Variants in SPATA17 observed in about 807,000 individuals in gnomAD.
The protein encoded by SPATA17 is spermatogenesis associated 17, also known as spermatogenesis-associated protein 17.
A neutral mutation model predicts 62.2 loss-of-function variants in SPATA17; 53 were observed. The ratio of observed to expected loss-of-function variants is 0.85; its 90% CI spans 0.68 to 1.07. SPATA17 has a LOEUF of 1.07. Among genes scored for constraint, SPATA17 ranks in the 50% least tolerant of loss-of-function variants. The pLI, the probability that SPATA17 is intolerant of heterozygous loss-of-function variation, is 0.00. For missense variants in SPATA17, 466 were observed against 425.5 expected (o/e 1.10, Z -0.84); for synonymous variants, 146 against 146.8 (o/e 0.99, Z 0.04).
chr1:217,648,947 G>T lies in SPATA17; in HGVS notation c.134G>T (p.Gly45Val), dbSNP rs775050336. 2 of 1,610,460 alleles carry T rather than the reference G, an allele frequency of 1.2e-6. No individual in the cohort carries two copies. Among genetic ancestry groups the T allele is most frequent in the African/African-American group, 1.3e-5 (1 of 74,950 alleles). ...GTTAAAATCCAAAGCTGGTTTCGAG[G>T]ATGTCAAGTTCGGGCATATATCAGG... ...AAVKIQSWFRGCQVRAYIRHL... is the reference protein window; with the variant it reads ...AAVKIQSWFRVCQVRAYIRHL... Residue 45 changes from glycine (G) to valine (V), a missense_variant, in exon 2 of 11, where the codon GGA becomes GTA. By Grantham distance (109) the Gly-to-Val change is moderately radical (BLOSUM62 -3). Coordinates refer to ENST00000366933, the MANE Select transcript of SPATA17 (RefSeq NM_138796.4).
intron 5 of SPATA17, among the ~76,000 whole-genome samples, chr1:217,694,763 G>T (rs1254023298): frequency 1.9e-3 from 275 of 148,412 alleles, no homozygotes; most frequent in African/African-American, 6.6e-3. Flanking sequence ...GCTTAGTTTG[G>T]CTGGATATGA....
At chr1:217,713,295 G>A (rs192078372) in intron 5 of SPATA17, among the ~76,000 whole-genome samples, 9 of 151,498 alleles carry the variant, frequency 5.9e-5, no homozygotes, top group African/African-American at 2.2e-4. Context: ...TCCCTTTTAT[G>A]TTGGAGTCTT....
intron 3 of SPATA17, among the ~76,000 whole-genome samples, chr1:217,658,090 T>C (rs1400305822): frequency 6.6e-6 from 1 of 152,180 alleles, no homozygotes; most frequent in African/African-American, 2.4e-5. Context: ...CACATGGGGA[T>C]TATTACAATT....
chr1:217,773,622 C>G (rs1673509607), intron 6 of SPATA17, among the ~76,000 whole-genome samples: 1 of 152,108 alleles, frequency 6.6e-6, no homozygotes, highest in Non-Finnish European at 1.5e-5. Flanking sequence ...GTGGAAGGTA[C>G]TCTTGACTAT....
At chr1:217,631,861 T>C (rs1669789223) in intron 1 of SPATA17, among the ~76,000 whole-genome samples, 2 of 152,152 alleles carry the variant, frequency 1.3e-5, no homozygotes, top group African/African-American at 4.8e-5. Context: ...CTAAACTCAA[T>C]TGTTCTATGA....
intron 5 of SPATA17, among the ~76,000 whole-genome samples, chr1:217,711,765 A>G (rs867849961): frequency 6.6e-6 from 1 of 152,214 alleles, no homozygotes; most frequent in Non-Finnish European, 1.5e-5. Context: ...ACTTGTAGAA[A>G]GAGGGGAGGA....
intron 9 of SPATA17, among the ~76,000 whole-genome samples, chr1:217,843,685 A>G (rs1260300054): frequency 6.6e-6 from 1 of 151,830 alleles, no homozygotes; most frequent in Admixed American, 6.6e-5. Context: ...CCACTACTCA[A>G]CTCTGCATTG....
intron 9 of SPATA17, among the ~76,000 whole-genome samples, chr1:217,820,846 C>T (rs1302188710): frequency 6.6e-6 from 1 of 151,298 alleles, no homozygotes; most frequent in Admixed American, 6.6e-5. Flanking sequence ...ATACCTGAAG[C>T]CGGGTAGTTT....
intron 5 of SPATA17, among the ~76,000 whole-genome samples, chr1:217,725,603 C>T (rs940691998): frequency 5.3e-5 from 8 of 152,116 alleles, no homozygotes; most frequent in Non-Finnish European, 7.4e-5. Context: ...GCTGGTATTA[C>T]GGGCCTGCAC....
chr1:217,666,565 T>C (rs1353912454), intron 3 of SPATA17, among the ~76,000 whole-genome samples: 1 of 152,124 alleles, frequency 6.6e-6, no homozygotes, highest in Non-Finnish European at 1.5e-5. Context: ...TGGTAAAATA[T>C]GTGTAGCATA....
intron 8 of SPATA17, among the ~76,000 whole-genome samples, chr1:217,793,701 A>T (rs1674062926): frequency 6.6e-6 from 1 of 152,206 alleles, no homozygotes; most frequent in Middle Eastern, 3.2e-3. Flanking sequence ...ATATTGGCAG[A>T]ATACGAGTCA....
At chr1:217,640,406 G>T (rs1431941769) in intron 1 of SPATA17, among the ~76,000 whole-genome samples, 3 of 152,026 alleles carry the variant, frequency 2.0e-5, no homozygotes, top group Non-Finnish European at 4.4e-5. Flanking sequence ...GGATGCAAGG[G>T]CAGTATACAG....
chr1:217,854,167 A>T (rs1675725215), intron 9 of SPATA17, among the ~76,000 whole-genome samples: 1 of 152,188 alleles, frequency 6.6e-6, no homozygotes, highest in Admixed American at 6.6e-5. Flanking sequence ...TGAGTGGTTG[A>T]AGTATGGCTG....
intron 4 of SPATA17, 126 bp downstream of exon 4, chr1:217,669,209 T>C: frequency 1.3e-6 from 1 of 776,248 alleles, no homozygotes; most frequent in East Asian, 2.6e-5. Flanking sequence ...AGAGAAAGAG[T>C]ATGTAGTTAA....
At chr1:217,701,301 A>ATGTG (rs761293392) in intron 5 of SPATA17, among the ~76,000 whole-genome samples, 6 of 149,488 alleles carry the variant, frequency 4.0e-5, no homozygotes, top group Admixed American at 6.7e-5. Flanking sequence ...GTGTGTGTAT[A>ATGTG]TGTGTGTGTG....
At chr1:217,678,802 C>G (rs1029221828) in intron 4 of SPATA17, among the ~76,000 whole-genome samples, 6 of 152,170 alleles carry the variant, frequency 3.9e-5, no homozygotes, top group Non-Finnish European at 7.4e-5. Context: ...GCTGAGCACA[C>G]AATGACTTTG....
intron 9 of SPATA17, among the ~76,000 whole-genome samples, chr1:217,842,748 T>C (rs1461049873): frequency 6.6e-6 from 1 of 152,060 alleles, no homozygotes; most frequent in African/African-American, 2.4e-5. Flanking sequence ...GGAATGATCA[T>C]TTCCTATTTT....
rs1341447192 is a variant in SPATA17 at position 217,866,856 on chromosome 1, C to A, written c.*3-166C>A. The A allele has an allele frequency of 6.6e-5, 7 of 106,638 alleles. No homozygotes were observed. In the East Asian group the frequency reaches 1.7e-3, roughly 26 times the overall value. 6.6% of individuals were successfully genotyped at this position (106,638 alleles called of 1,614,324 possible). A position where few individuals can be genotyped will look rare whatever the true frequency, so the allele number is the denominator to read the frequency against. On this transcript the variant is annotated intron_variant, in intron 10 of 10. Coordinates refer to ENST00000366933, the MANE Select transcript of SPATA17 (RefSeq NM_138796.4). ...CTGAAGTTCCTTTTTTTTTTTTTTTCATTTTACTGTTTTGTTTTTAGAAAA... is the reference window on the plus strand; with the variant it reads ...CTGAAGTTCCTTTTTTTTTTTTTTTAATTTTACTGTTTTGTTTTTAGAAAA...
At chr1:217,847,996 A>G (rs1423897528) in intron 9 of SPATA17, among the ~76,000 whole-genome samples, 1 of 152,088 alleles carries the variant, frequency 6.6e-6, no homozygotes, top group African/African-American at 2.4e-5. Flanking sequence ...CGATGGTACT[A>G]CTGCTCTCCA....
Sources: allele counts gnomAD v4.1 joint callset (sites outside exome capture counted in the v4.1 genomes callset), GRCh38; gene constraint gnomAD v4.1.1; transcripts MANE v1.5; gene names NCBI Gene and HGNC (gene_info 2026-07-23, HGNC 2026-07-21).